The following AVEN variants were observed in gnomAD, a reference collection of about 807,000 sequenced individuals.
AVEN encodes cell death regulator Aven.
Under a neutral mutation model 38.1 loss-of-function variants are expected in AVEN, and 41 were observed. That is an observed-to-expected ratio of 1.08 (90% CI 0.84 to 1.40). The LOEUF (loss-of-function observed/expected upper bound fraction) is 1.40, where lower values mean the gene tolerates loss of function less well. Among genes scored for constraint, AVEN ranks in the 40% most tolerant of loss-of-function variants. The probability of loss-of-function intolerance (pLI) is 0.00; values close to 1 mark genes in which losing one functional copy is unlikely to be tolerated. For synonymous variants in AVEN, 206 were observed against 171.8 expected (o/e 1.20, Z -1.56); for missense variants, 605 against 438.8 (o/e 1.38, Z -3.38).
intron 1 of AVEN, among the ~76,000 whole-genome samples, chr15:34,073,863 T>A (rs1900680760): frequency 6.6e-6 from 1 of 152,126 alleles, no homozygotes; most frequent in Admixed American, 6.5e-5. Flanking sequence ...AGAAAGAGAT[T>A]ACTTCTGTCC....
chr15:34,032,343 G>GA (rs201633720), intron 1 of AVEN, among the ~76,000 whole-genome samples: 16 of 151,632 alleles, frequency 1.1e-4, no homozygotes, highest in Admixed American at 6.6e-4. Context: ...ACTTTTTCTG[G>GA]AAAAAAAATA....
At chr15:34,053,747 AC>A (rs550060369) in intron 5 of AVEN, among the ~76,000 whole-genome samples, 36 of 152,318 alleles carry the variant, frequency 2.4e-4, no homozygotes, top group African/African-American at 7.7e-4. Context: ...GCTAGGCAAT[AC>A]CGTTCAGGAC....
intron 2 of AVEN, among the ~76,000 whole-genome samples, chr15:33,879,296 G>A (rs1482513305): frequency 4.0e-5 from 6 of 150,130 alleles, no homozygotes; most frequent in African/African-American, 7.4e-5. Context: ...GTAAACTATC[G>A]CAAGGACAAA....
At chr15:34,046,958 C>T (rs1899714299) in intron 5 of AVEN, 1 of 152,314 alleles carries the variant, frequency 6.6e-6, no homozygotes, top group South Asian at 2.1e-4. Flanking sequence ...CCTTGTGAGC[C>T]CATGCCAGCA....
chr15:33,897,266 A>G (rs1187031566), intron 2 of AVEN, among the ~76,000 whole-genome samples: 1 of 148,924 alleles, frequency 6.7e-6, no homozygotes, highest in East Asian at 2.0e-4. Context: ...TTTGCTCAAC[A>G]TAAATTATAC....
chr15:34,043,045 A>G (rs1292809984), upstream of AVEN, among the ~76,000 whole-genome samples: 1 of 152,004 alleles, frequency 6.6e-6, no homozygotes, highest in African/African-American at 2.4e-5. Flanking sequence ...CAGGAGATTG[A>G]GACCATCCTG....
rs530769717 is a variant in AVEN at position 33,927,547 on chromosome 15, T to C, written c.446-51552A>G. 2.5e-3 allele frequency among the ~76,000 whole-genome samples: 383 copies of C among 152,154 alleles called. 3 individuals carry two copies. Among genetic ancestry groups the C allele is most frequent in the Non-Finnish European group, 4.3e-3 (291 of 67,998 alleles). On this transcript the variant is annotated intron_variant, in intron 2 of 5. Transcript: ENST00000306730. ...TTCTCTACTGGAAGATACAGACTGA[T>C]TGGAGGTAATTTACAACAAGGCTAA... is the stretch of plus-strand genomic sequence containing the variant.
chr15:33,857,728 C>T (rs1010336363), downstream of AVEN: 42 of 1,607,302 alleles, frequency 2.6e-5, no homozygotes, highest in East Asian at 2.5e-4. Context: ...GTGAACCTTT[C>T]AAGGTAGAGA....
At chr15:33,963,796 CAAA>C (rs57116335) in intron 2 of AVEN, among the ~76,000 whole-genome samples, 2 of 112,458 alleles carry the variant, frequency 1.8e-5, no homozygotes, top group East Asian at 2.6e-4. Flanking sequence ...GACTCTGTCT[CAAA>C]AAAAAAAAAA....
upstream of AVEN, among the ~76,000 whole-genome samples, chr15:34,042,120 G>A (rs756417030): frequency 9.9e-5 from 15 of 152,140 alleles, no homozygotes; most frequent in Non-Finnish European, 1.8e-4. Flanking sequence ...TGTTATTAAG[G>A]TTTAAAAATA....
At chr15:34,047,451 G>T (rs898247250) in intron 5 of AVEN, among the ~76,000 whole-genome samples, 1 of 152,176 alleles carries the variant, frequency 6.6e-6, no homozygotes, top group African/African-American at 2.4e-5. Context: ...CATACCCCTA[G>T]GAAGAGGGCT....
At chr15:33,854,789 T>C (rs1236215905), downstream of AVEN, 8 of 1,612,314 alleles carry the variant, frequency 5.0e-6, no homozygotes, top group East Asian at 1.3e-4. Context: ...TTGCCTGGTA[T>C]ACAACCATGT....
chr15:33,906,507 G>T (rs2153044429), intron 2 of AVEN, among the ~76,000 whole-genome samples: 1 of 152,316 alleles, frequency 6.6e-6, no homozygotes, highest in Non-Finnish European at 1.5e-5. Context: ...ACAAATATCT[G>T]TTCCAGTCCC....
At chr15:33,915,814 G>A (rs1285736078) in intron 2 of AVEN, among the ~76,000 whole-genome samples, 5 of 152,244 alleles carry the variant, frequency 3.3e-5, no homozygotes, top group Admixed American at 1.3e-4. Flanking sequence ...GCTCACCCGC[G>A]GCCTGGAAAT....
chr15:33,965,282 C>CT (rs1895342633), intron 2 of AVEN, among the ~76,000 whole-genome samples: 1 of 152,044 alleles, frequency 6.6e-6, no homozygotes. Context: ...TCCATAAGTC[C>CT]ACAATACTCT....
At position 33,928,038 on chromosome 15, in the gene AVEN, T is replaced by C. The variant is rs1006160573; in HGVS notation, c.446-52043A>G. 3.9e-5 allele frequency among the ~76,000 whole-genome samples: 6 copies of C among 152,252 alleles called. No homozygotes were observed. The South Asian group carries it at 1.2e-3, about 32-fold the overall frequency. The stretch of plus-strand genomic sequence containing the variant: ...AGGTGGGTAGTGGAGAAGAAACAGG[T>C]TTGGAATGTATAAAGAAGCTAATCC... On this transcript the variant is annotated intron_variant, in intron 2 of 5. Coordinates refer to ENST00000306730, the MANE Select transcript of AVEN (RefSeq NM_020371.3).
At chr15:33,982,702 C>T (rs1896207662) in intron 2 of AVEN, among the ~76,000 whole-genome samples, 1 of 152,144 alleles carries the variant, frequency 6.6e-6, no homozygotes, top group South Asian at 2.1e-4. Flanking sequence ...TTTCCAAGAA[C>T]AGCAGTAAAG....
intron 2 of AVEN, among the ~76,000 whole-genome samples, chr15:33,923,710 A>G (rs1215918080): frequency 6.6e-6 from 1 of 152,052 alleles, no homozygotes; most frequent in Non-Finnish European, 1.5e-5. Flanking sequence ...CCCAACCCCT[A>G]GGGGTTAGGA....
downstream of AVEN, chr15:33,857,932 G>T (rs753776100): frequency 2.9e-6 from 4 of 1,379,670 alleles, no homozygotes; most frequent in Non-Finnish European, 3.9e-6. Context: ...CCCACCCACT[G>T]CGGGGCCAGC....
Sources: gnomAD v4.1 joint callset for allele counts (sites outside exome capture counted in the v4.1 genomes callset) on GRCh38, gnomAD v4.1.1 for gene constraint, MANE v1.5 for transcripts, NCBI Gene and HGNC (gene_info 2026-07-23, HGNC 2026-07-21) for gene names.